Variants in NCOR2 observed in about 807,000 individuals in gnomAD.
The protein encoded by NCOR2 is CTG repeat protein 26.
A neutral mutation model predicts 262.9 loss-of-function variants in NCOR2; 81 were observed. The observed-to-expected ratio is 0.31, with a 90% CI of 0.26 to 0.37. The LOEUF is 0.37. Ranked by LOEUF, NCOR2 falls within the 10% of genes least tolerant of loss-of-function variation. The pLI, the probability that NCOR2 is intolerant of heterozygous loss-of-function variation, is 1.00. For missense variants in NCOR2, 3,385 were observed against 3,621.4 expected, an observed-to-expected ratio of 0.93 and a Z score of 1.68; for synonymous variants, 1,659 against 1,559.3, an observed-to-expected ratio of 1.06 and a Z score of -1.51.
chr12:124,361,122 C>CA (rs33951841), intron 22 of NCOR2, among the ~76,000 whole-genome samples: 3,154 of 122,430 alleles, frequency 0.026, 124 homozygotes, highest in African/African-American at 0.084. Flanking sequence ...CCGTCTCAAA[C>CA]AAAAAAAAAA....
chr12:124,498,721 T>A (rs553162696), upstream of NCOR2, among the ~76,000 whole-genome samples: 1 of 152,306 alleles, frequency 6.6e-6, no homozygotes, highest in East Asian at 1.9e-4. Context: ...GGTATGCATG[T>A]TCATGGCAAC....
chr12:124,428,491 C>CA (rs1158292088), intron 10 of NCOR2, among the ~76,000 whole-genome samples: 1 of 152,218 alleles, frequency 6.6e-6, no homozygotes, highest in Non-Finnish European at 1.5e-5. Context: ...CCAGCTGAAT[C>CA]AGAGTCTCTG....
chr12:124,466,357 G>A (rs771115439), intron 4 of NCOR2, 71 bp from the exon 7 acceptor site: 45 of 1,429,220 alleles, frequency 3.1e-5, no homozygotes, highest in Admixed American at 5.8e-5. Flanking sequence ...CCCCCAGGGC[G>A]CGGGGAGGCC....
chr12:124,352,379 ATTTT>A (rs369134948), intron 27 of NCOR2, among the ~76,000 whole-genome samples: 1 of 147,298 alleles, frequency 6.8e-6, no homozygotes, highest in African/African-American at 2.5e-5. Flanking sequence ...GAGGCATCTG[ATTTT>A]TTTTTTTTGA....
intron 1 of NCOR2, among the ~76,000 whole-genome samples, chr12:124,554,315 C>T (rs2137270181): frequency 6.6e-6 from 1 of 152,326 alleles, no homozygotes; most frequent in African/African-American, 2.4e-5. Context: ...GCTCCGTGCC[C>T]TCCCCATGGC....
At chr12:124,341,666 C>T (rs2036471255) in intron 34 of NCOR2, among the ~76,000 whole-genome samples, 157 bp downstream of exon 36, 1 of 152,232 alleles carries the variant, frequency 6.6e-6, no homozygotes, top group African/African-American at 2.4e-5. Context: ...CCAGCACCCA[C>T]AGCACGCACA....
At chr12:124,372,393 G>C in exon 20 of NCOR2, 3 of 1,502,830 alleles carry the variant, frequency 2.0e-6, no homozygotes, top group East Asian at 2.3e-5. Context: ...AGGGCGATGG[G>C]GGTGCTGGTG....
intron 17 of NCOR2, among the ~76,000 whole-genome samples, chr12:124,380,717 G>A (rs1370474076): frequency 6.6e-6 from 1 of 152,162 alleles, no homozygotes; most frequent in Non-Finnish European, 1.5e-5. Context: ...GAGTCTCGCA[G>A]GGAACAGGGG....
At chr12:124,453,388 C>T (rs886522082) in intron 6 of NCOR2, among the ~76,000 whole-genome samples, 1 of 152,130 alleles carries the variant, frequency 6.6e-6, no homozygotes, top group Non-Finnish European at 1.5e-5. Flanking sequence ...GTGGTAGGGG[C>T]GGCACCCAGG....
intron 10 of NCOR2, among the ~76,000 whole-genome samples, chr12:124,428,086 T>TGTGTGTGTGTGTGTGCGC (rs958627720): frequency 2.7e-4 from 40 of 147,054 alleles, no homozygotes; most frequent in Non-Finnish European, 5.0e-4. Context: ...TGTGTGTGTG[T>TGTGTGTGTGTGTGTGCGC]GTACATGCAA....
chr12:124,401,220 A>G (rs1038885994), intron 14 of NCOR2, among the ~76,000 whole-genome samples: 2 of 151,800 alleles, frequency 1.3e-5, no homozygotes, highest in African/African-American at 4.8e-5. Context: ...CAAAAAAAAA[A>G]AAAAGAAAAA....
At position 124,457,189 on chromosome 12, in the gene NCOR2, A is replaced by AT. The variant is rs770251745; in HGVS notation, c.706-28dup. The AT allele has an allele frequency of 1.3e-6, 2 of 1,537,014 alleles. No individual in the cohort carries two copies. Among genetic ancestry groups the AT allele is most frequent in the African/African-American group, 1.5e-5 (1 of 68,740 alleles). On this transcript the variant is annotated intron_variant, in intron 5 of 46. Coordinates refer to ENST00000405201, the Ensembl canonical transcript of NCOR2. The surrounding 1 kb of genome is among the most constrained non-coding windows in gnomAD (Gnocchi z 4.0). ...TGCAGGGTGATGGCGAAGAGGAGGA[A>AT]TTTTTTTAAAAAACAAAAAAACACA...
intron 1 of NCOR2, among the ~76,000 whole-genome samples, chr12:124,554,293 T>C (rs1340696280): frequency 2.6e-5 from 4 of 152,194 alleles, no homozygotes; most frequent in Non-Finnish European, 4.4e-5. Context: ...GCAGTGGGGA[T>C]GGGTGTCCAA....
At chr12:124,564,507 C>G (rs1373069148) in intron 1 of NCOR2, among the ~76,000 whole-genome samples, 2 of 151,560 alleles carry the variant, frequency 1.3e-5, no homozygotes, top group African/African-American at 4.8e-5. Flanking sequence ...AATAAAAGCT[C>G]TCAACCCCCG....
chr12:124,358,032 G>T (rs1384834314), intron 22 of NCOR2, among the ~76,000 whole-genome samples: 1 of 151,380 alleles, frequency 6.6e-6, no homozygotes, highest in African/African-American at 2.4e-5. Context: ...ATGTGTGTGT[G>T]AGTGCATGGA....
chr12:124,346,636 C>T lies in NCOR2; in HGVS notation c.4287G>A (p.Pro1429=), dbSNP rs759702301. 1.7e-5 allele frequency: 27 copies of T among 1,595,216 alleles called. No homozygotes were observed. In the Admixed American group the frequency reaches 1.9e-4, roughly 11 times the overall value. ...CGGGCGTGTGCCGCAGCTCCTCGCGCGGGATCTCATGGATGGAGCGGCCCG... is the reference window on the plus strand; with the variant it reads ...CGGGCGTGTGCCGCAGCTCCTCGCGTGGGATCTCATGGATGGAGCGGCCCG... Residue 1429 remains proline (P), a synonymous_variant, in exon 31 of 47, where the codon CCG becomes CCA. Coordinates refer to ENST00000405201, the Ensembl canonical transcript of NCOR2.
At chr12:124,545,829 G>C (rs977606439) in intron 1 of NCOR2, among the ~76,000 whole-genome samples, 60 of 152,132 alleles carry the variant, frequency 3.9e-4, no homozygotes, top group African/African-American at 1.4e-3. Flanking sequence ...GCGTGGAACA[G>C]CCTTTCAGCC....
chr12:124,518,926 C>A (rs950617637), intron 1 of NCOR2, among the ~76,000 whole-genome samples: 2 of 152,208 alleles, frequency 1.3e-5, no homozygotes, highest in Admixed American at 1.3e-4. Context: ...CCTCCCCCGT[C>A]CTCTGTCCCG....
chr12:124,531,560 G>A lies in NCOR2; in HGVS notation c.-118+4005C>T, dbSNP rs558855180. The stretch of plus-strand genomic sequence containing the variant: ...GAGGAAGGGATTGCAGGGAGCCCCC[G>A]CCCAGGGCTGAGCATCCAGGCTGGG... On this transcript the variant is annotated intron_variant, in intron 1 of 46. Coordinates refer to the NCOR2 transcript ENST00000404621. The surrounding 1 kb of genome is among the most constrained non-coding windows in gnomAD (Gnocchi z 4.5). 2.6e-5 allele frequency among the ~76,000 whole-genome samples: 4 copies of A among 152,234 alleles called. No individual in the cohort carries two copies. Among genetic ancestry groups the A allele is most frequent in the African/African-American group, 7.2e-5 (3 of 41,542 alleles).
Sources: gnomAD v4.1 joint callset for allele counts (sites outside exome capture counted in the v4.1 genomes callset) on GRCh38, gnomAD v4.1.1 for gene constraint, Gnocchi (gnomAD v3.1) non-coding constraint, MANE v1.5 for transcripts, NCBI Gene and HGNC (gene_info 2026-07-23, HGNC 2026-07-21) for gene names.